EYS: variants seen among roughly 807,000 people sequenced by gnomAD.
The protein encoded by EYS is EGF-like photoreceptor maintenance factor.
EYS carries 250 observed loss-of-function variants against 282.1 expected under a neutral mutation model. The ratio of observed to expected loss-of-function variants is 0.89; its 90% CI spans 0.80 to 0.98. The LOEUF is 0.98. Among genes scored for constraint, EYS ranks in the 50% least tolerant of loss-of-function variants. EYS has a pLI of 0.00. For synonymous variants in EYS, 1,355 were observed against 1,282.9 expected (o/e 1.06, Z -1.20); for missense variants, 4,016 against 3,709.0 (o/e 1.08, Z -2.15).
intron 36 of EYS, among the ~76,000 whole-genome samples, chr6:63,816,850 G>A (rs1582236709): frequency 6.6e-6 from 1 of 152,182 alleles, no homozygotes; most frequent in Non-Finnish European, 1.5e-5. Context: ...GAGTGCCAAC[G>A]TGCATCCTTC....
At chr6:64,735,545 A>G (rs1186861585) in intron 22 of EYS, among the ~76,000 whole-genome samples, 2 of 152,196 alleles carry the variant, frequency 1.3e-5, no homozygotes, top group Admixed American at 6.5e-5. Flanking sequence ...TATAACTTAT[A>G]CTTTGTCTTA....
intron 35 of EYS, among the ~76,000 whole-genome samples, chr6:63,910,428 G>A (rs1332976494): frequency 6.6e-6 from 1 of 152,148 alleles, no homozygotes; most frequent in Non-Finnish European, 1.5e-5. Flanking sequence ...GTACCGAAAG[G>A]TCATGGTAAA....
chr6:64,779,256 G>C (rs1450723308), intron 22 of EYS, among the ~76,000 whole-genome samples: 5 of 152,032 alleles, frequency 3.3e-5, no homozygotes, highest in Non-Finnish European at 5.9e-5. Flanking sequence ...TTCTTCAGTA[G>C]GTGAATGAAT....
intron 29 of EYS, among the ~76,000 whole-genome samples, chr6:64,344,909 A>G (rs1327340190): frequency 6.6e-6 from 1 of 152,124 alleles, no homozygotes; most frequent in African/African-American, 2.4e-5. Context: ...CCAATAACAG[A>G]CAAACAGAGA....
intron 8 of EYS, among the ~76,000 whole-genome samples, chr6:65,374,414 AT>A (rs1765276977): frequency 6.6e-6 from 1 of 151,652 alleles, no homozygotes; most frequent in Non-Finnish European, 1.5e-5. Flanking sequence ...AGACCAGGAG[AT>A]TCCCTCGTGT....
intron 22 of EYS, among the ~76,000 whole-genome samples, chr6:64,781,026 C>A (rs917323514): frequency 6.6e-6 from 1 of 152,058 alleles, no homozygotes; most frequent in African/African-American, 2.4e-5. Context: ...TTCATCGATT[C>A]TATTGATTCT....
intron 36 of EYS, chr6:63,821,516 GC>G (rs1771325308): frequency 6.6e-6 from 1 of 152,228 alleles, no homozygotes; most frequent in African/African-American, 2.4e-5. Context: ...ACTGACTTCT[GC>G]CTGGAAAGTC....
At chr6:63,770,913 A>G (rs572722939) in intron 40 of EYS, among the ~76,000 whole-genome samples, 64 of 152,166 alleles carry the variant, frequency 4.2e-4, no homozygotes, top group Non-Finnish European at 7.5e-4. Context: ...ACCTGCTGAC[A>G]TTCCCCTATG....
intron 12 of EYS, among the ~76,000 whole-genome samples, chr6:65,192,448 A>C (rs2150240630): frequency 6.6e-6 from 1 of 151,910 alleles, no homozygotes; most frequent in South Asian, 2.1e-4. Context: ...CAAAGATTAA[A>C]AAATGTTAAT....
At chr6:65,047,074 G>T (rs578025136) in intron 13 of EYS, among the ~76,000 whole-genome samples, 1 of 151,248 alleles carries the variant, frequency 6.6e-6, no homozygotes, top group African/African-American at 2.4e-5. Context: ...TACAGCCTGC[G>T]GAACTATGAG....
At chr6:64,467,487 T>C (rs148275879) in intron 26 of EYS, among the ~76,000 whole-genome samples, 1,610 of 152,252 alleles carry the variant, frequency 0.011, 14 homozygotes, top group Non-Finnish European at 0.016. Context: ...TTCATCAACA[T>C]GGTAAATTCT....
chr6:64,908,003 C>T (rs2150074457), intron 16 of EYS, among the ~76,000 whole-genome samples: 1 of 152,170 alleles, frequency 6.6e-6, no homozygotes, highest in South Asian at 2.1e-4. Context: ...TGGAGACTCT[C>T]TTATAAATCA....
intron 13 of EYS, among the ~76,000 whole-genome samples, chr6:65,018,920 A>T (rs1204706967): frequency 1.3e-5 from 2 of 152,208 alleles, no homozygotes; most frequent in African/African-American, 4.8e-5. Flanking sequence ...TATTTTAAAA[A>T]TCATAGGTAC....
intron 31 of EYS, among the ~76,000 whole-genome samples, chr6:64,177,005 T>A (rs1276300410): frequency 7.7e-6 from 1 of 130,100 alleles, no homozygotes; most frequent in African/African-American, 2.9e-5. Context: ...TTATTTGTTG[T>A]TGTTGCTATC....
chr6:64,511,768 A>T (rs1777410413), intron 26 of EYS, among the ~76,000 whole-genome samples: 2 of 152,026 alleles, frequency 1.3e-5, no homozygotes, highest in South Asian at 4.1e-4. Flanking sequence ...CTTTTCTCTT[A>T]AAAACATCTG....
chr6:65,118,348 C>A (rs1444962279), intron 12 of EYS, among the ~76,000 whole-genome samples: 1 of 138,392 alleles, frequency 7.2e-6, no homozygotes, highest in Non-Finnish European at 1.5e-5. Flanking sequence ...GAATTATGAA[C>A]TACTATCCAA....
intron 14 of EYS, among the ~76,000 whole-genome samples, chr6:64,947,504 C>T (rs1056336205): frequency 2.6e-5 from 4 of 151,826 alleles, no homozygotes; most frequent in African/African-American, 9.7e-5. Flanking sequence ...ATATACTAGT[C>T]TCCACTCAGA....
At chr6:64,816,392 C>T (rs1184763035) in intron 21 of EYS, among the ~76,000 whole-genome samples, 1 of 152,046 alleles carries the variant, frequency 6.6e-6, no homozygotes, top group Admixed American at 6.6e-5. Flanking sequence ...TTTGATTAGA[C>T]GTAACTACGG....
At chr6:65,095,889 G>A (rs992349574) in intron 12 of EYS, among the ~76,000 whole-genome samples, 1 of 150,610 alleles carries the variant, frequency 6.6e-6, no homozygotes, top group Non-Finnish European at 1.5e-5. Flanking sequence ...ATCAGAAACA[G>A]GGTGAGAATC....
Sources: allele counts gnomAD v4.1 joint callset (sites outside exome capture counted in the v4.1 genomes callset), GRCh38; gene constraint gnomAD v4.1.1; transcripts MANE v1.5; gene names NCBI Gene and HGNC (gene_info 2026-07-23, HGNC 2026-07-21).